The following B4GALNT3 variants were observed in gnomAD, a reference collection of about 807,000 sequenced individuals.
The protein encoded by B4GALNT3 is beta-1,4-N-acetyl-galactosaminyltransferase 3, also known as beta-1,4-N-acetylgalactosaminyltransferase 3.
B4GALNT3 carries 86 observed loss-of-function variants against 120.2 expected under a neutral mutation model. The observed-to-expected ratio is 0.72, with a 90% CI of 0.60 to 0.86. The LOEUF (loss-of-function observed/expected upper bound fraction) is 0.86. B4GALNT3 is among the 40% of genes least tolerant of loss of function. B4GALNT3 has a pLI of 0.00. For missense variants in B4GALNT3, 1,167 were observed against 1,298.9 expected (o/e 0.90, Z 1.56); for synonymous variants, 518 against 510.4 (o/e 1.01, Z -0.20).
rs1355715664 is a variant in B4GALNT3, at chr12:558,635, G to C, written c.2735G>C (p.Cys912Ser). Reference protein sequence around the residue: ...AFAPMVMRLHCGATPQWPEGY... With the variant: ...AFAPMVMRLHSGATPQWPEGY... ...GCCCCCATGGTGATGAGGCTGCATTGTGGGGCCACCCCCCAGTGGCCTGAG... is the reference window on the plus strand; with the variant it reads ...GCCCCCATGGTGATGAGGCTGCATTCTGGGGCCACCCCCCAGTGGCCTGAG... Residue 912 changes from cysteine (C) to serine (S), a missense_variant, in exon 18 of 20, where the codon TGT becomes TCT. By Grantham distance (112) the Cys-to-Ser change is moderately radical. Coordinates refer to ENST00000266383, the MANE Select transcript of B4GALNT3 (RefSeq NM_173593.4). The C allele has an allele frequency of 5.6e-6, 9 of 1,613,940 alleles. No individual in the cohort carries two copies. The highest frequency in any genetic ancestry group is 7.6e-6 in the Non-Finnish European group (9 of 1,180,010).
intron 1 of B4GALNT3, among the ~76,000 whole-genome samples, chr12:491,669 G>A (rs1159919315): frequency 1.3e-5 from 2 of 151,954 alleles, no homozygotes; most frequent in African/African-American, 4.8e-5. Context: ...GGAATAGAGG[G>A]GAACTTCCTC....
rs1196772499 is a variant in B4GALNT3 at position 553,423 on chromosome 12, A to C, written c.1500A>C (p.Pro500=). 2 of 1,613,946 alleles carry C rather than the reference A, an allele frequency of 1.2e-6. No homozygotes were observed. Among genetic ancestry groups the C allele is most frequent in the Non-Finnish European group, 1.7e-6 (2 of 1,180,034 alleles). ...FSKRNSTASF[P]GRTSHIPVQQ... Reference sequence around the variant, plus strand: ...AGCGGAACTCCACAGCGTCCTTCCCAGGGAGGACCAGCCACATTCCAGTGC... The same window carrying C: ...AGCGGAACTCCACAGCGTCCTTCCCCGGGAGGACCAGCCACATTCCAGTGC... Residue 500 remains proline (P), a synonymous_variant, in exon 14 of 20, where the codon CCA becomes CCC. Transcript: ENST00000266383.
At chr12:545,530 C>T in intron 6 of B4GALNT3, 61 bp downstream of exon 6, 1 of 1,454,606 alleles carries the variant, frequency 6.9e-7, no homozygotes, top group Non-Finnish European at 9.4e-7. Flanking sequence ...ATTGAGTCCT[C>T]CAGCAGCTGC....
Position 515,986 on chromosome 12 carries a change from A to G in B4GALNT3, c.170-19180A>G, listed in dbSNP as rs549432839. On this transcript the variant is annotated intron_variant, in intron 1 of 19. Coordinates refer to ENST00000266383, the MANE Select transcript of B4GALNT3 (RefSeq NM_173593.4). ...CCCCATCTCTACTAAAAACACACACACACACAAAAATTAGCCAGGCGTGGT... is the reference window on the plus strand; with the variant it reads ...CCCCATCTCTACTAAAAACACACACGCACACAAAAATTAGCCAGGCGTGGT... 1.7e-3 allele frequency among the ~76,000 whole-genome samples: 255 copies of G among 151,972 alleles called. 1 individual carries two copies. Among genetic ancestry groups the G allele is most frequent in the Middle Eastern group, 0.01 (3 of 294 alleles).
At position 563,085 on chromosome 12, in the gene B4GALNT3, G is replaced by GA. The variant is rs2120761081; in HGVS notation, c.*1635dup. 6.6e-6 allele frequency: 1 copy of GA among 152,516 alleles called. No individual in the cohort carries two copies. Among genetic ancestry groups the GA allele is most frequent in the South Asian group, 2.1e-4 (1 of 4,838 alleles). The allele number at this position is 152,516 out of a possible 1,614,324, so 9.4% of individuals were successfully genotyped here. A position where few individuals can be genotyped will look rare whatever the true frequency, so the allele number is the denominator to read the frequency against. On this transcript the variant is annotated 3_prime_UTR_variant, in exon 20 of 20. Transcript: ENST00000266383. ...AATCATGAAGGACAGAGACTTTTGA[G>GA]ATTGTGGCTTAGGAAGGCCATACCT...
chr12:545,159 G>A, intron 5 of B4GALNT3, 187 bp downstream of exon 5: 1 of 1,442,210 alleles, frequency 6.9e-7, no homozygotes, highest in Non-Finnish European at 9.1e-7. Context: ...TTGCTCCCTG[G>A]TTTGCAGCCT....
intron 1 of B4GALNT3, among the ~76,000 whole-genome samples, chr12:500,574 C>G (rs900077611): frequency 2.6e-5 from 4 of 152,292 alleles, no homozygotes; most frequent in African/African-American, 9.6e-5. Flanking sequence ...GGACATTCGG[C>G]TGGTACACAC....
At chr12:491,983 AGGAGGC>A (rs150443798) in intron 1 of B4GALNT3, among the ~76,000 whole-genome samples, 2,220 of 151,044 alleles carry the variant, frequency 0.015, 57 homozygotes, top group South Asian at 0.099. Flanking sequence ...GTGTGAACCC[AGGAGGC>A]GGAGGTTGCA....
Position 550,019 on chromosome 12 carries a change from C to G in B4GALNT3, c.997+107C>G, listed in dbSNP as rs1262879564. ...GAGACCTGCCAAGTATCCCAATCAC[C>G]GTAGAACTTTTTATCGTCCTTGTAA... is the stretch of plus-strand genomic sequence containing the variant. On this transcript the variant is annotated intron_variant, in intron 10 of 19. Transcript: ENST00000266383. This position sits in a 1 kb window ranked among gnomAD's most constrained non-coding sequence, Gnocchi z 4.1. The G allele has an allele frequency of 7.8e-7, 1 of 1,277,606 alleles. No homozygotes were observed. Among genetic ancestry groups the G allele is most frequent in the Non-Finnish European group, 1.1e-6 (1 of 929,948 alleles). 79.1% of individuals were successfully genotyped at this position (1,277,606 alleles called of 1,614,324 possible). A position where few individuals can be genotyped will look rare whatever the true frequency, so the allele number is the denominator to read the frequency against.
In B4GALNT3 at chr12:549,775, C is replaced by T. The variant is rs142628932; in HGVS notation, c.860C>T (p.Thr287Met). 4.0e-5 allele frequency: 64 copies of T among 1,613,672 alleles called. No homozygotes were observed. Among genetic ancestry groups the T allele is most frequent in the South Asian group, 6.6e-5 (6 of 91,094 alleles). Residue 287 changes from threonine (T) to methionine (M), a missense_variant, in exon 10 of 20, where the codon ACG becomes ATG. Physicochemically the swap from Thr to Met is moderately conservative, Grantham distance 81 (BLOSUM62 -1). This residue lies in a region of B4GALNT3 where 983 missense variants were observed against 1,102.5 expected (regional missense o/e 0.89). Coordinates refer to ENST00000266383, the MANE Select transcript of B4GALNT3 (RefSeq NM_173593.4). ...CTTTCCTCCCTGCGCCCAGATGAGA[C>T]GTTCCTACAGATGGATGAGGTGGGC... is the stretch of plus-strand genomic sequence containing the variant. Reference protein sequence around the residue: ...SLSLSLFTNETFLQMDEVGHI... With the variant: ...SLSLSLFTNEMFLQMDEVGHI...
rs368641174 is a variant in B4GALNT3, at chr12:486,233, G to A, written c.169+25688G>A. Reference sequence around the variant, plus strand: ...TTTTTTTTTTTTTTTTTTTTGAGACGGAGTCTCACTTTGCCACCCAGGCTA... The same window carrying A: ...TTTTTTTTTTTTTTTTTTTTGAGACAGAGTCTCACTTTGCCACCCAGGCTA... On this transcript the variant is annotated intron_variant, in intron 1 of 19. Transcript: ENST00000266383. Among the ~76,000 whole-genome samples the A allele has an allele frequency of 3.7e-3, 515 of 137,414 alleles. 3 individuals carry two copies. Among genetic ancestry groups the A allele is most frequent in the African/African-American group, 0.013 (489 of 36,962 alleles). 90.1% of individuals were successfully genotyped at this position (137,414 alleles called of 152,430 possible). A position where few individuals can be genotyped will look rare whatever the true frequency, so the allele number is the denominator to read the frequency against.
intron 1 of B4GALNT3, among the ~76,000 whole-genome samples, chr12:487,014 C>A (rs1038750480): frequency 2.6e-5 from 4 of 152,090 alleles, no homozygotes; most frequent in African/African-American, 7.2e-5. Context: ...TCAAAAGAAA[C>A]CCTAGAGATC....
At chr12:561,271 T>C in intron 19 of B4GALNT3, 72 bp from the exon 20 acceptor site, 1 of 1,134,896 alleles carries the variant, frequency 8.8e-7, no homozygotes, top group Non-Finnish European at 1.3e-6. Context: ...AGAGGGTCTG[T>C]GGTCGATGGG....
chr12:555,746 G>C (rs1328167264), intron 14 of B4GALNT3, among the ~76,000 whole-genome samples: 12 of 151,852 alleles, frequency 7.9e-5, no homozygotes, highest in Non-Finnish European at 1.8e-4. Flanking sequence ...ATCAACACTT[G>C]TTACTTTTCA....
rs1032254179 is a variant in B4GALNT3, at chr12:550,505, A to G, written c.998-417A>G. 6.1e-4 allele frequency among the ~76,000 whole-genome samples: 93 copies of G among 151,982 alleles called. No individual in the cohort carries two copies. The highest frequency in any genetic ancestry group is 1.0e-3 in the Non-Finnish European group (71 of 67,968). On this transcript the variant is annotated intron_variant, in intron 10 of 19. Transcript: ENST00000266383. This position sits in a 1 kb window ranked among gnomAD's most constrained non-coding sequence, Gnocchi z 4.1. ...TCCTGTCAAAAAAAACAAACAAACA[A>G]AAAAAACAACAAAGTTTCTTTACTC...
intron 17 of B4GALNT3, 150 bp from the exon 18 acceptor site, chr12:558,358 C>A: frequency 1.2e-6 from 1 of 801,480 alleles, no homozygotes; most frequent in Non-Finnish European, 2.0e-6. Flanking sequence ...CTCCAATGTT[C>A]AGCACTGTGG....
chr12:549,110 C>T (rs754606002), intron 9 of B4GALNT3, among the ~76,000 whole-genome samples: 18 of 152,144 alleles, frequency 1.2e-4, no homozygotes, highest in East Asian at 9.6e-4. Context: ...CCTCAGGCCC[C>T]GTTGAAAAAC....
At chr12:547,240 G>A (rs1446136774) in intron 7 of B4GALNT3, among the ~76,000 whole-genome samples, 1 of 152,228 alleles carries the variant, frequency 6.6e-6, no homozygotes, top group Non-Finnish European at 1.5e-5. Flanking sequence ...TGCAGACACA[G>A]CTAGATGGAA....
chr12:560,373 C>T (rs914475747), intron 19 of B4GALNT3, among the ~76,000 whole-genome samples: 1 of 152,168 alleles, frequency 6.6e-6, no homozygotes, highest in Non-Finnish European at 1.5e-5. Flanking sequence ...ACATCCGTTA[C>T]CTCGTTTATT....
Sources: allele counts gnomAD v4.1 joint callset (sites outside exome capture counted in the v4.1 genomes callset), GRCh38; gene constraint gnomAD v4.1.1; regional missense constraint gnomAD v4.1.1; non-coding constraint Gnocchi (gnomAD v3.1); transcripts MANE v1.5; gene names NCBI Gene and HGNC (gene_info 2026-07-23, HGNC 2026-07-21).